The following CNTN5 variants were observed in gnomAD, a reference collection of about 807,000 sequenced individuals.
CNTN5 encodes contactin-5.
A neutral mutation model predicts 129.1 loss-of-function variants in CNTN5; 77 were observed. The observed-to-expected ratio is 0.60, with a 90% CI of 0.50 to 0.72. The LOEUF is 0.72. Ranked by LOEUF, CNTN5 falls within the 30% of genes least tolerant of loss-of-function variation. The pLI, the probability that CNTN5 is intolerant of heterozygous loss-of-function variation, is 0.00. For synonymous variants in CNTN5, 509 were observed against 465.6 expected (o/e 1.09, Z -1.20); for missense variants, 1,478 against 1,328.8 (o/e 1.11, Z -1.75).
At chr11:99,973,520 T>C (rs1277551428) in intron 8 of CNTN5, among the ~76,000 whole-genome samples, 3 of 152,196 alleles carry the variant, frequency 2.0e-5, no homozygotes, top group South Asian at 4.1e-4. Flanking sequence ...CCATTCTTAA[T>C]ATGCTCTACC....
chr11:99,888,845 A>G (rs1948968659), intron 6 of CNTN5, among the ~76,000 whole-genome samples: 1 of 152,236 alleles, frequency 6.6e-6, no homozygotes, highest in Non-Finnish European at 1.5e-5. Context: ...AGTTTGACAC[A>G]TTACTGCGTG....
At chr11:100,119,262 C>T (rs1207832351) in intron 13 of CNTN5, among the ~76,000 whole-genome samples, 6 of 151,894 alleles carry the variant, frequency 4.0e-5, no homozygotes, top group Non-Finnish European at 8.8e-5. Flanking sequence ...CATATTACTA[C>T]AGCCAAACAA....
At chr11:100,056,470 C>T (rs1943228323) in intron 9 of CNTN5, among the ~76,000 whole-genome samples, 2 of 150,722 alleles carry the variant, frequency 1.3e-5, no homozygotes, top group South Asian at 2.1e-4. Flanking sequence ...AGACAATGAG[C>T]GTGAGGTTAA....
intron 3 of CNTN5, among the ~76,000 whole-genome samples, chr11:99,571,250 T>C (rs1174400586): frequency 6.6e-6 from 1 of 152,204 alleles, no homozygotes; most frequent in Non-Finnish European, 1.5e-5. Context: ...AGGTTTTCAA[T>C]GGCTATTTGT....
At chr11:99,421,739 A>G (rs183661644) in intron 2 of CNTN5, among the ~76,000 whole-genome samples, 1 of 152,162 alleles carries the variant, frequency 6.6e-6, no homozygotes, top group Admixed American at 6.5e-5. Flanking sequence ...AAGTTAGATC[A>G]GAGTGTTGTT....
At chr11:99,245,029 C>A (rs1489468406) in intron 1 of CNTN5, among the ~76,000 whole-genome samples, 1 of 152,160 alleles carries the variant, frequency 6.6e-6, no homozygotes, top group Non-Finnish European at 1.5e-5. Context: ...AATATACTTG[C>A]AAGATTAGTT....
intron 15 of CNTN5, among the ~76,000 whole-genome samples, chr11:100,209,814 A>G (rs1189079526): frequency 1.3e-5 from 2 of 152,220 alleles, no homozygotes; most frequent in East Asian, 1.9e-4. Context: ...TGCATGTTAC[A>G]TACACAAAAT....
intron 18 of CNTN5, among the ~76,000 whole-genome samples, chr11:100,287,544 G>A (rs1411775964): frequency 1.5e-4 from 23 of 149,580 alleles, no homozygotes; most frequent in African/African-American, 5.3e-4. Context: ...ATACTTTACA[G>A]ACAAGCAAAT....
intron 3 of CNTN5, among the ~76,000 whole-genome samples, chr11:99,608,497 G>C (rs1445253588): frequency 6.6e-6 from 1 of 152,190 alleles, no homozygotes; most frequent in Non-Finnish European, 1.5e-5. Flanking sequence ...AAAATGAGTT[G>C]ATGAGATTGG....
chr11:99,397,776 A>C (rs1038729463), intron 2 of CNTN5, among the ~76,000 whole-genome samples: 1 of 151,772 alleles, frequency 6.6e-6, no homozygotes, highest in African/African-American at 2.4e-5. Context: ...CCTCAGTCCT[A>C]AAATCAACCA....
chr11:99,794,466 G>T (rs1219725184), intron 3 of CNTN5, among the ~76,000 whole-genome samples: 1 of 152,050 alleles, frequency 6.6e-6, no homozygotes, highest in Non-Finnish European at 1.5e-5. Flanking sequence ...CTGTCATCGT[G>T]TTTGTTAGCT....
In CNTN5 at chr11:99,412,374, C is replaced by A. The variant is rs576492451; in HGVS notation, c.-71+86890C>A. On this transcript the variant is annotated intron_variant, in intron 2 of 24. Coordinates refer to ENST00000524871, the MANE Select transcript of CNTN5 (RefSeq NM_014361.4). ...AATTCTAGGGAATATATATAAAGAT[C>A]CCAACTTCAAGTTAATCAAAATCTG... Among the ~76,000 whole-genome samples, 5 of 152,202 alleles carry A rather than the reference C, an allele frequency of 3.3e-5. No individual in the cohort carries two copies. In the South Asian group the frequency reaches 1.0e-3, roughly 31 times the overall value.
At chr11:99,819,449 G>GT (rs1419490407) in intron 3 of CNTN5, 95 bp from the exon 4 acceptor site, 66 of 1,081,546 alleles carry the variant, frequency 6.1e-5, no homozygotes, top group Admixed American at 2.8e-4. Flanking sequence ...TCCAAAGAAG[G>GT]TTTTTAGTAA....
chr11:99,327,222 A>G lies in CNTN5; in HGVS notation c.-71+1738A>G, dbSNP rs558083035. Among the ~76,000 whole-genome samples the G allele has an allele frequency of 9.2e-5, 14 of 152,322 alleles. No individual in the cohort carries two copies. In the South Asian group the frequency reaches 2.3e-3, roughly 25 times the overall value. ...ACACAGCACAGCAGCTGTATGTAAG[A>G]GGGTTTCAGATCTAATGCTCACTTC... On this transcript the variant is annotated intron_variant, in intron 2 of 24. Coordinates refer to ENST00000524871, the MANE Select transcript of CNTN5 (RefSeq NM_014361.4).
At chr11:100,145,722 G>A (rs1381066222) in intron 13 of CNTN5, among the ~76,000 whole-genome samples, 1 of 152,042 alleles carries the variant, frequency 6.6e-6, no homozygotes, top group Admixed American at 6.6e-5. Flanking sequence ...TGAAATTCCA[G>A]GGACTCTAGG....
chr11:99,967,423 C>T (rs1257800964), intron 8 of CNTN5, among the ~76,000 whole-genome samples: 2 of 152,082 alleles, frequency 1.3e-5, no homozygotes, highest in African/African-American at 2.4e-5. Context: ...ACGTAACTAT[C>T]CTTGTGTAGC....
chr11:99,693,946 GTC>G (rs1954149174), intron 3 of CNTN5, among the ~76,000 whole-genome samples: 1 of 152,062 alleles, frequency 6.6e-6, no homozygotes, highest in South Asian at 2.1e-4. Flanking sequence ...GTGAGAGGAA[GTC>G]TGAGCTGATA....
chr11:99,964,830 A>G (rs576787047), intron 8 of CNTN5, among the ~76,000 whole-genome samples: 2 of 152,084 alleles, frequency 1.3e-5, no homozygotes, highest in Non-Finnish European at 2.9e-5. Context: ...TATTGCCTCA[A>G]TTTCAGAGCC....
At chr11:99,743,992 T>A (rs1348227678) in intron 3 of CNTN5, among the ~76,000 whole-genome samples, 1 of 152,112 alleles carries the variant, frequency 6.6e-6, no homozygotes, top group East Asian at 1.9e-4. Flanking sequence ...CTGACTTTTG[T>A]ACCCCCATCA....
Sources: allele counts gnomAD v4.1 joint callset (sites outside exome capture counted in the v4.1 genomes callset), GRCh38; gene constraint gnomAD v4.1.1; transcripts MANE v1.5; gene names NCBI Gene and HGNC (gene_info 2026-07-23, HGNC 2026-07-21).